Variants in ATRNL1 observed in about 807,000 individuals in gnomAD.
ATRNL1 encodes attractin-like protein 1.
ATRNL1 carries 95 observed loss-of-function variants against 182.7 expected under a neutral mutation model. The observed-to-expected ratio is 0.52, with a 90% CI of 0.44 to 0.62. The LOEUF is 0.62. Among genes scored for constraint, ATRNL1 ranks in the 20% least tolerant of loss-of-function variants. The pLI is 0.00. For synonymous variants in ATRNL1, 576 were observed against 568.3 expected, an observed-to-expected ratio of 1.01 and a Z score of -0.19; for missense variants, 1,471 against 1,679.5, an observed-to-expected ratio of 0.88 and a Z score of 2.17.
At chr10:115,722,073 G>T (rs1447639803) in intron 26 of ATRNL1, among the ~76,000 whole-genome samples, 1 of 152,118 alleles carries the variant, frequency 6.6e-6, no homozygotes, top group African/African-American at 2.4e-5. Context: ...TACTTTGCAA[G>T]TTAATACAAA....
At chr10:115,808,641 A>G (rs1949976698) in intron 27 of ATRNL1, among the ~76,000 whole-genome samples, 1 of 152,138 alleles carries the variant, frequency 6.6e-6, no homozygotes, top group Non-Finnish European at 1.5e-5. Context: ...ATGCATTCCC[A>G]CTAGCAATGT....
At chr10:115,868,921 C>CCGGGTT (rs1951508368) in intron 28 of ATRNL1, among the ~76,000 whole-genome samples, 2 of 145,932 alleles carry the variant, frequency 1.4e-5, no homozygotes, top group African/African-American at 5.0e-5. Context: ...GCTCCGCCTC[C>CCGGGTT]CAGGTTCACG....
chr10:115,897,799 A>T (rs994308217), intron 28 of ATRNL1, among the ~76,000 whole-genome samples: 2 of 152,238 alleles, frequency 1.3e-5, no homozygotes, highest in Admixed American at 6.5e-5. Context: ...CACTTTCGCC[A>T]ACTCTGGATG....
At chr10:115,164,214 A>G (rs1846932928) in intron 6 of ATRNL1, among the ~76,000 whole-genome samples, 1 of 152,032 alleles carries the variant, frequency 6.6e-6, no homozygotes, top group Non-Finnish European at 1.5e-5. Context: ...AAAAATACGA[A>G]TTTTCTTTTC....
At chr10:115,347,588 G>A (rs1856033376) in intron 19 of ATRNL1, among the ~76,000 whole-genome samples, 1 of 151,918 alleles carries the variant, frequency 6.6e-6, no homozygotes, top group Admixed American at 6.6e-5. Flanking sequence ...AGGGAAAGTA[G>A]GAAATAAATT....
chr10:115,264,114 G>A (rs1851507002), intron 10 of ATRNL1, among the ~76,000 whole-genome samples: 1 of 151,284 alleles, frequency 6.6e-6, no homozygotes. Context: ...TTAAGTTCTA[G>A]GGTTCATGTG....
chr10:115,196,882 A>G (rs1007729377), intron 8 of ATRNL1, among the ~76,000 whole-genome samples: 4 of 152,222 alleles, frequency 2.6e-5, no homozygotes, highest in East Asian at 3.9e-4. Context: ...TTCAGTGTGT[A>G]TGCCTTTTAC....
chr10:115,618,479 T>C (rs1327281375), intron 26 of ATRNL1, among the ~76,000 whole-genome samples: 2 of 152,248 alleles, frequency 1.3e-5, no homozygotes, highest in East Asian at 3.9e-4. Context: ...ATTTGCATAA[T>C]GGTATTTCAT....
At chr10:115,201,066 G>A (rs1419788562) in intron 8 of ATRNL1, among the ~76,000 whole-genome samples, 1 of 150,242 alleles carries the variant, frequency 6.7e-6, no homozygotes, top group Admixed American at 6.6e-5. Context: ...GCCACTTTTT[G>A]GTGGGCTTGT....
At chr10:115,419,136 A>T (rs1845539197) in intron 20 of ATRNL1, among the ~76,000 whole-genome samples, 1 of 152,216 alleles carries the variant, frequency 6.6e-6, no homozygotes, top group African/African-American at 2.4e-5. Flanking sequence ...AAAATATGGA[A>T]GGATAATGAG....
intron 18 of ATRNL1, among the ~76,000 whole-genome samples, chr10:115,321,085 TG>T (rs1554931335): frequency 6.6e-6 from 1 of 152,168 alleles, no homozygotes. Context: ...TAGGGTTTTT[TG>T]TGGGGCCTTT....
At chr10:115,209,359 C>A (rs942760801) in intron 8 of ATRNL1, among the ~76,000 whole-genome samples, 6 of 149,318 alleles carry the variant, frequency 4.0e-5, no homozygotes, top group African/African-American at 1.5e-4. Context: ...TAGTCCTATG[C>A]TGTCACAGGA....
chr10:115,289,202 T>G (rs146297334), intron 15 of ATRNL1, among the ~76,000 whole-genome samples: 1 of 152,016 alleles, frequency 6.6e-6, no homozygotes, highest in Non-Finnish European at 1.5e-5. Context: ...TTCACTATCA[T>G]GAGAACAGCA....
chr10:115,772,677 C>T (rs1170251619), intron 27 of ATRNL1, among the ~76,000 whole-genome samples: 4 of 149,362 alleles, frequency 2.7e-5, no homozygotes, highest in African/African-American at 9.8e-5. Flanking sequence ...AGTACATTTT[C>T]CCTGTAAGCT....
intron 28 of ATRNL1, among the ~76,000 whole-genome samples, chr10:115,876,570 A>G (rs570430527): frequency 2.6e-5 from 4 of 152,262 alleles, no homozygotes; most frequent in Admixed American, 1.3e-4. Context: ...GGCTCTCTGA[A>G]GTGAAATCTC....
chr10:115,756,212 A>C (rs763255049), intron 27 of ATRNL1, among the ~76,000 whole-genome samples: 8 of 151,680 alleles, frequency 5.3e-5, no homozygotes, highest in Non-Finnish European at 1.0e-4. Flanking sequence ...CTAGCTTTTG[A>C]ATTTGTTTGC....
chr10:115,262,191 T>C (rs1454369333), intron 10 of ATRNL1, among the ~76,000 whole-genome samples: 1 of 150,834 alleles, frequency 6.6e-6, no homozygotes, highest in African/African-American at 2.4e-5. Flanking sequence ...TTTTTTTTGA[T>C]AAACCTTGTA....
chr10:115,322,747 A>G (rs1245863774), intron 18 of ATRNL1, among the ~76,000 whole-genome samples: 1 of 152,070 alleles, frequency 6.6e-6, no homozygotes, highest in African/African-American at 2.4e-5. Flanking sequence ...AATTTTCTAA[A>G]GGTAGATTTG....
At chr10:115,938,781 A>T (rs1036070482) in intron 28 of ATRNL1, among the ~76,000 whole-genome samples, 2 of 152,154 alleles carry the variant, frequency 1.3e-5, no homozygotes, top group Non-Finnish European at 2.9e-5. Flanking sequence ...GACTTCACTT[A>T]TATGTAGAAT....
Sources: allele counts gnomAD v4.1 joint callset (sites outside exome capture counted in the v4.1 genomes callset), GRCh38; gene constraint gnomAD v4.1.1; transcripts MANE v1.5; gene names NCBI Gene and HGNC (gene_info 2026-07-23, HGNC 2026-07-21).